GRM8: variants seen among roughly 807,000 people sequenced by gnomAD.
The protein encoded by GRM8 is glutamate metabotropic receptor 8.
In GRM8, 47 loss-of-function variants were observed where a neutral mutation model predicts 87.2. The observed-to-expected ratio is 0.54, with a 90% confidence interval of 0.43 to 0.69. GRM8 has a LOEUF of 0.69. Among genes scored for constraint, GRM8 ranks in the 30% least tolerant of loss-of-function variants. GRM8 has a pLI of 0.00. For synonymous variants in GRM8, 396 were observed against 404.5 expected (o/e 0.98, Z 0.25); for missense variants, 1,019 against 1,139.2 (o/e 0.89, Z 1.52).
chr7:126,769,414 C>A (rs769390639), intron 7 of GRM8, among the ~76,000 whole-genome samples: 1 of 152,066 alleles, frequency 6.6e-6, no homozygotes, highest in Non-Finnish European at 1.5e-5. Context: ...AGAAACTTAA[C>A]ACTCGTTGAG....
intron 2 of GRM8, among the ~76,000 whole-genome samples, chr7:127,237,370 G>A (rs1798037848): frequency 6.6e-6 from 1 of 152,210 alleles, no homozygotes; most frequent in Non-Finnish European, 1.5e-5. Context: ...GATGAGCCCG[G>A]ATATGGCAGA....
intron 8 of GRM8, among the ~76,000 whole-genome samples, chr7:126,598,122 CAT>C (rs1334532411): frequency 2.0e-5 from 3 of 152,174 alleles, no homozygotes; most frequent in African/African-American, 4.8e-5. Flanking sequence ...CAAAATATCA[CAT>C]GTTCTCAGTC....
At chr7:126,536,742 A>G (rs1815788479) in intron 8 of GRM8, among the ~76,000 whole-genome samples, 1 of 152,142 alleles carries the variant, frequency 6.6e-6, no homozygotes, top group Admixed American at 6.5e-5. Flanking sequence ...ACATTTTTGA[A>G]GGTTATATTT....
In GRM8 at chr7:126,567,668, A is replaced by G. The variant is rs545919843; in HGVS notation, c.1495-33781T>C. Among the ~76,000 whole-genome samples the G allele has an allele frequency of 1.5e-3, 225 of 152,298 alleles. 3 individuals are homozygous for G. In the South Asian group the frequency reaches 0.043, roughly 29 times the overall value. On this transcript the variant is annotated intron_variant, in intron 8 of 10. Transcript: ENST00000339582. ...ATAAATTAGCTCTCTGGTGCAAAAAATAAAATAAAATAAAAAGATATTTCC... is the reference window on the plus strand; with the variant it reads ...ATAAATTAGCTCTCTGGTGCAAAAAGTAAAATAAAATAAAAAGATATTTCC...
chr7:126,899,534 T>TC (rs1801861758), intron 6 of GRM8, among the ~76,000 whole-genome samples: 1 of 152,182 alleles, frequency 6.6e-6, no homozygotes, highest in African/African-American at 2.4e-5. Flanking sequence ...ACATACATTT[T>TC]CTGAACTTCC....
rs117311650 is a variant in GRM8 at position 126,463,155 on chromosome 7, T to C, written c.2431-16783A>G. Among the ~76,000 whole-genome samples, 410 of 151,700 alleles carry C rather than the reference T, an allele frequency of 2.7e-3. 1 individual carries two copies. Among genetic ancestry groups the C allele is most frequent in the Non-Finnish European group, 3.6e-3 (241 of 67,712 alleles). ...TTACCTCCTGTTGCTGATTCTATTA[T>C]TTATGATGAAGAGACATCAGGGGAT... is the stretch of plus-strand genomic sequence containing the variant. On this transcript the variant is annotated intron_variant, in intron 9 of 10. Coordinates refer to ENST00000339582, the MANE Select transcript of GRM8 (RefSeq NM_000845.3).
chr7:126,951,804 A>G (rs1045557615), intron 3 of GRM8, among the ~76,000 whole-genome samples: 2 of 152,078 alleles, frequency 1.3e-5, no homozygotes, highest in African/African-American at 4.8e-5. Context: ...CCCTGAGTTT[A>G]CAGTATTTAG....
In GRM8 at chr7:126,555,575, GTTA is replaced by G. The variant is rs200603594; in HGVS notation, c.1495-21691_1495-21689del. On this transcript the variant is annotated intron_variant, in intron 8 of 10. Coordinates refer to ENST00000339582, the MANE Select transcript of GRM8 (RefSeq NM_000845.3). Reference sequence around the variant, plus strand: ...TTTCATATTCTTATTAATTTGTCCAGTTATTGTTTATAATTGTTCTTATATCAA... The same window carrying G: ...TTTCATATTCTTATTAATTTGTCCAGTTGTTTATAATTGTTCTTATATCAA... Among the ~76,000 whole-genome samples, 23 of 152,270 alleles carry G rather than the reference GTTA, an allele frequency of 1.5e-4. No homozygotes were observed. In the East Asian group the frequency reaches 4.4e-3, roughly 29 times the overall value.
intron 7 of GRM8, among the ~76,000 whole-genome samples, chr7:126,626,417 G>C (rs1302153284): frequency 6.6e-6 from 1 of 152,044 alleles, no homozygotes; most frequent in Non-Finnish European, 1.5e-5. Flanking sequence ...GTAGGTAAGG[G>C]ATATGAGGTA....
At chr7:126,595,371 G>GTATTTTATTTTATTTTATTT (rs146479444) in intron 8 of GRM8, among the ~76,000 whole-genome samples, 23 of 133,720 alleles carry the variant, frequency 1.7e-4, no homozygotes, top group African/African-American at 5.5e-4. Flanking sequence ...GCTAATTCTG[G>GTATTTTATTTTATTTTATTT]TATTTTATTT....
At chr7:126,940,758 T>C (rs1231371603) in intron 3 of GRM8, among the ~76,000 whole-genome samples, 1 of 150,890 alleles carries the variant, frequency 6.6e-6, no homozygotes. Flanking sequence ...TGGGGTCAAT[T>C]TGTTGTTGTT....
Position 127,243,095 on chromosome 7 carries a change from G to C in GRM8, c.110C>G (p.Ala37Gly). 6.2e-7 allele frequency: 1 copy of C among 1,613,966 alleles called. No homozygotes were observed. Among genetic ancestry groups the C allele is most frequent in the South Asian group, 1.1e-5 (1 of 91,078 alleles). ...MMQRTHSQEY[A>G]HSIRVDGDII... ...GTCCCCATCCACCCGTATGGAATGGGCATACTCCTGGCTGTGAGTTCTTTG... is the reference window on the plus strand; with the variant it reads ...GTCCCCATCCACCCGTATGGAATGGCCATACTCCTGGCTGTGAGTTCTTTG... Residue 37 changes from alanine to glycine, a missense_variant, in exon 2 of 11, where the codon GCC (alanine) becomes GGC (glycine). Transcript: ENST00000339582.
intron 2 of GRM8, among the ~76,000 whole-genome samples, chr7:127,118,501 C>T (rs1826835162): frequency 6.6e-6 from 1 of 152,158 alleles, no homozygotes; most frequent in African/African-American, 2.4e-5. Flanking sequence ...CTTTATGTGT[C>T]GTATTCCATA....
At chr7:126,506,270 C>T (rs985168379) in intron 9 of GRM8, among the ~76,000 whole-genome samples, 1 of 151,932 alleles carries the variant, frequency 6.6e-6, no homozygotes, top group African/African-American at 2.4e-5. Context: ...TACACACACA[C>T]ACATATATAT....
intron 7 of GRM8, among the ~76,000 whole-genome samples, chr7:126,645,311 C>A (rs1426595413): frequency 6.6e-6 from 1 of 152,192 alleles, no homozygotes; most frequent in Admixed American, 6.5e-5. Context: ...TATTGTAGAA[C>A]CTAAGATTGG....
At chr7:127,051,553 T>G (rs2132493117) in intron 3 of GRM8, among the ~76,000 whole-genome samples, 1 of 151,902 alleles carries the variant, frequency 6.6e-6, no homozygotes, top group East Asian at 1.9e-4. Flanking sequence ...CTCACACCAG[T>G]GCAAAAACAA....
chr7:127,070,247 G>A (rs1403728691), intron 3 of GRM8, among the ~76,000 whole-genome samples: 2 of 152,044 alleles, frequency 1.3e-5, no homozygotes, highest in South Asian at 2.1e-4. Flanking sequence ...TGTATCTGTC[G>A]ACAAGTGTGC....
chr7:126,930,035 C>G (rs772614161), intron 3 of GRM8, among the ~76,000 whole-genome samples: 64 of 152,118 alleles, frequency 4.2e-4, no homozygotes, highest in Admixed American at 4.6e-4. Flanking sequence ...AATGTGGAGT[C>G]TCCATCAACA....
chr7:126,551,719 C>A (rs1328094910), intron 8 of GRM8, among the ~76,000 whole-genome samples: 2 of 151,880 alleles, frequency 1.3e-5, no homozygotes, highest in Non-Finnish European at 1.5e-5. Flanking sequence ...TTTTTTCTGG[C>A]CCTGCTGGAA....
Sources: gnomAD v4.1 joint callset for allele counts (sites outside exome capture counted in the v4.1 genomes callset) on GRCh38, gnomAD v4.1.1 for gene constraint, MANE v1.5 for transcripts, NCBI Gene and HGNC (gene_info 2026-07-23, HGNC 2026-07-21) for gene names.